DHX30: variants seen among roughly 807,000 people sequenced by gnomAD.
DHX30 encodes ATP-dependent RNA helicase DHX30.
Under a neutral mutation model 116.9 loss-of-function variants are expected in DHX30, and 4 were observed. That is an observed-to-expected ratio of 0.03 (90% CI 0.02 to 0.08). DHX30 has a LOEUF of 0.08. DHX30 is among the 10% of genes least tolerant of loss of function. The probability of loss-of-function intolerance (pLI) is 1.00; values close to 1 mark genes in which losing one functional copy is unlikely to be tolerated. For synonymous variants in DHX30, 697 were observed against 651.7 expected (o/e 1.07, Z -1.06); for missense variants, 871 against 1,595.1 (o/e 0.55, Z 7.73).
rs1353326815 is a variant in DHX30, at chr3:47,849,292, G to A, written c.3030G>A (p.Glu1010=). ...LASAQCNEYS[E]EEELVKGVLM... is the part of the protein sequence containing the mutation. ...CCGCCCAGTGCAACGAGTACAGTGA[G>A]GAGGAGGAGCTGGTGAAGGGCGTGC... is the stretch of plus-strand genomic sequence containing the variant. The change falls in exon 19 of 22, where the codon GAG becomes GAA. Residue 1010 remains glutamate (E), a synonymous_variant. Transcript: ENST00000445061. The A allele has an allele frequency of 3.1e-6, 5 of 1,614,130 alleles. No homozygotes were observed. Among genetic ancestry groups the A allele is most frequent in the Non-Finnish European group, 4.2e-6 (5 of 1,180,028 alleles).
At chr3:47,814,783 G>A (rs2035974271) in intron 3 of DHX30, among the ~76,000 whole-genome samples, 1 of 151,996 alleles carries the variant, frequency 6.6e-6, no homozygotes, top group Non-Finnish European at 1.5e-5. Flanking sequence ...GCCTCCTAAA[G>A]TGTTGGGATT....
At chr3:47,805,451 G>A (rs1025585849) in intron 2 of DHX30, 31 bp downstream of exon 2, 10 of 398,850 alleles carry the variant, frequency 2.5e-5, no homozygotes, top group Non-Finnish European at 4.0e-5. Context: ...ACAGAGCAGT[G>A]GTGGATCTGA....
intron 6 of DHX30, among the ~76,000 whole-genome samples, chr3:47,835,551 C>A (rs1314239544): frequency 6.7e-6 from 1 of 149,056 alleles, no homozygotes; most frequent in African/African-American, 2.5e-5. Context: ...GTGGTCCACC[C>A]GCCTCAGCCT....
intron 4 of DHX30, chr3:47,819,121 G>GC (rs976985511): frequency 7.9e-6 from 7 of 881,978 alleles, no homozygotes; most frequent in Admixed American, 6.0e-5. Flanking sequence ...AGTACTTCTA[G>GC]CCCCCTGACC....
In DHX30 at chr3:47,829,137, G is replaced by A; in HGVS notation, c.366+3G>A. Reference sequence around the variant, plus strand: ...CTGCAGCCTGCCAGCTGTTCAAGGTGACCCTTCCTCAGTGAAAGCCACTGA... The same window carrying A: ...CTGCAGCCTGCCAGCTGTTCAAGGTAACCCTTCCTCAGTGAAAGCCACTGA... On this transcript the variant is annotated splice_donor_region_variant and intron_variant, in intron 6 of 21. Coordinates refer to ENST00000445061, the MANE Select transcript of DHX30 (RefSeq NM_138615.3). 10 of 1,536,750 alleles carry A rather than the reference G, an allele frequency of 6.5e-6. No individual in the cohort carries two copies. The highest frequency in any genetic ancestry group is 8.8e-6 in the Non-Finnish European group (10 of 1,134,928).
chr3:47,822,835 C>T (rs111727773), intron 4 of DHX30, among the ~76,000 whole-genome samples: 2,537 of 147,802 alleles, frequency 0.017, 82 homozygotes, highest in African/African-American at 0.059. Context: ...GGCCCACGCC[C>T]GTAATCCCAG....
At chr3:47,823,603 C>T (rs2106999964) in intron 4 of DHX30, among the ~76,000 whole-genome samples, 1 of 152,178 alleles carries the variant, frequency 6.6e-6, no homozygotes, top group African/African-American at 2.4e-5. Context: ...ACCTCATGAT[C>T]CGCCTGCCTC....
chr3:47,847,053 G>A lies in DHX30; in HGVS notation c.1929+52G>A. On this transcript the variant is annotated intron_variant, in intron 11 of 21. Transcript: ENST00000445061. This position sits in a 1 kb window ranked among gnomAD's most constrained non-coding sequence, Gnocchi z 5.5. ...GGCTCCTGGCCTTTCCTCCGTGGAT[G>A]CCCCTCCTCCCTGGCCCTGGGGCTT... 1 of 1,571,962 alleles carries A rather than the reference G, an allele frequency of 6.4e-7. No homozygotes were observed. The highest frequency in any genetic ancestry group is 8.6e-7 in the Non-Finnish European group (1 of 1,156,972).
At chr3:47,845,012 G>A (rs749402717) in intron 9 of DHX30, among the ~76,000 whole-genome samples, 3 of 152,038 alleles carry the variant, frequency 2.0e-5, no homozygotes, top group African/African-American at 7.2e-5. Context: ...TTCTAGCATC[G>A]AGGGCCTGGC....
chr3:47,835,393 C>G (rs996576168), intron 6 of DHX30, among the ~76,000 whole-genome samples: 1 of 152,120 alleles, frequency 6.6e-6, no homozygotes, highest in African/African-American at 2.4e-5. Context: ...GTCTCGAACT[C>G]CTGACCTCAG....
Position 47,849,096 on chromosome 3 carries a change from C to G in DHX30, c.2929+17C>G, listed in dbSNP as rs1388103192. 6.2e-7 allele frequency: 1 copy of G among 1,610,496 alleles called. No homozygotes were observed. ...TCATCCACGGTCAGTCGGGCCCACACCTGCTCTCCTGAGCCCCTCCCACCC... is the reference window on the plus strand; with the variant it reads ...TCATCCACGGTCAGTCGGGCCCACAGCTGCTCTCCTGAGCCCCTCCCACCC... On this transcript the variant is annotated intron_variant, in intron 18 of 21. Coordinates refer to ENST00000445061, the MANE Select transcript of DHX30 (RefSeq NM_138615.3).
At chr3:47,840,625 G>C (rs942654093) in intron 6 of DHX30, among the ~76,000 whole-genome samples, 3 of 152,080 alleles carry the variant, frequency 2.0e-5, no homozygotes, top group African/African-American at 7.2e-5. Flanking sequence ...GACAGAGCGA[G>C]ACCCTGTGTC....
Position 47,848,040 on chromosome 3 carries a change from CCTG to C in DHX30, c.2286+87_2286+89del. On this transcript the variant is annotated intron_variant, in intron 14 of 21. Transcript: ENST00000445061. This position sits in a 1 kb window ranked among gnomAD's most constrained non-coding sequence, Gnocchi z 9.4. ...GTCCCCAGCCCAGATCTACCTTAGA[CCTG>C]CTTTGTGTGTCTTCAGAAGGCCGCG... is the stretch of plus-strand genomic sequence containing the variant. 6.3e-7 allele frequency: 1 copy of C among 1,589,636 alleles called. No homozygotes were observed. Among genetic ancestry groups the C allele is most frequent in the Non-Finnish European group, 8.6e-7 (1 of 1,163,374 alleles).
chr3:47,837,872 G>A (rs148806097), intron 6 of DHX30, among the ~76,000 whole-genome samples: 188 of 152,310 alleles, frequency 1.2e-3, no homozygotes, highest in Middle Eastern at 3.4e-3. Context: ...CCAGCAGGGG[G>A]AGCTGTGGAC....
intron 2 of DHX30, 102 bp downstream of exon 2, chr3:47,805,522 G>A (rs2035477582): frequency 2.5e-6 from 1 of 396,698 alleles, no homozygotes; most frequent in African/African-American, 2.1e-5. Context: ...CATTTTGGAA[G>A]AAGGATATCA....
intron 3 of DHX30, among the ~76,000 whole-genome samples, chr3:47,811,251 G>A (rs2035776022): frequency 1.3e-5 from 2 of 152,070 alleles, no homozygotes; most frequent in African/African-American, 4.8e-5. Flanking sequence ...ACCGTGGCTG[G>A]CCTCTAAAAT....
intron 6 of DHX30, among the ~76,000 whole-genome samples, chr3:47,831,967 C>G (rs1420796165): frequency 9.5e-6 from 1 of 105,306 alleles, no homozygotes; most frequent in Non-Finnish European, 1.9e-5. Flanking sequence ...CTCCCATCGT[C>G]TTGGCATTTT....
rs955568883 is a variant in DHX30 at position 47,807,788 on chromosome 3, G to T, written c.-28+2368G>T. On this transcript the variant is annotated intron_variant, in intron 2 of 21. Transcript: ENST00000445061. ...TACAAATTTTTTTTTTAGAGGCAGGGTCTCACTGTGTTGCCTAGGCTGGTC... is the reference window on the plus strand; with the variant it reads ...TACAAATTTTTTTTTTAGAGGCAGGTTCTCACTGTGTTGCCTAGGCTGGTC... 1.7e-4 allele frequency among the ~76,000 whole-genome samples: 25 copies of T among 151,474 alleles called. 1 individual carries two copies. The highest frequency in any genetic ancestry group is 5.3e-4 in the African/African-American group (22 of 41,302).
At chr3:47,834,137 C>T (rs2036996993) in intron 6 of DHX30, among the ~76,000 whole-genome samples, 1 of 152,054 alleles carries the variant, frequency 6.6e-6, no homozygotes, top group African/African-American at 2.4e-5. Flanking sequence ...CAAGTCTCGG[C>T]CTGTTGCCCA....
Sources: allele counts gnomAD v4.1 joint callset (sites outside exome capture counted in the v4.1 genomes callset), GRCh38; gene constraint gnomAD v4.1.1; non-coding constraint Gnocchi (gnomAD v3.1); transcripts MANE v1.5; gene names NCBI Gene and HGNC (gene_info 2026-07-23, HGNC 2026-07-21).